Variants in PPP1R9A observed in about 807,000 individuals in gnomAD.
The protein encoded by PPP1R9A is protein phosphatase 1 regulatory subunit 9A, also known as neurabin-1.
In PPP1R9A, 59 loss-of-function variants were observed where a neutral mutation model predicts 141.9. That is an observed-to-expected ratio of 0.42 (90% CI 0.34 to 0.52). PPP1R9A has a LOEUF of 0.52. PPP1R9A is among the 20% of genes least tolerant of loss of function. The probability of loss-of-function intolerance (pLI) is 0.10; values close to 1 mark genes in which losing one functional copy is unlikely to be tolerated. For missense variants in PPP1R9A, 1,444 were observed against 1,611.9 expected (o/e 0.90, Z 1.78); for synonymous variants, 500 against 569.7 (o/e 0.88, Z 1.74).
chr7:95,243,951 A>G (rs1341861822), intron 8 of PPP1R9A, among the ~76,000 whole-genome samples: 3 of 152,172 alleles, frequency 2.0e-5, no homozygotes, highest in South Asian at 2.1e-4. Context: ...ACACAGGTCC[A>G]TACTATATAA....
At chr7:95,072,618 TA>T (rs1300757168) in intron 2 of PPP1R9A, among the ~76,000 whole-genome samples, 2 of 129,934 alleles carry the variant, frequency 1.5e-5, no homozygotes, top group Non-Finnish European at 3.1e-5. Context: ...TTAAAAAATG[TA>T]AAATTTTGAA....
intron 8 of PPP1R9A, among the ~76,000 whole-genome samples, chr7:95,245,302 A>G (rs538074336): frequency 2.4e-4 from 37 of 152,318 alleles, no homozygotes; most frequent in African/African-American, 7.7e-4. Context: ...AGCATCCTGC[A>G]CATAGCAACT....
chr7:95,208,064 C>T (rs1791222741), intron 7 of PPP1R9A, among the ~76,000 whole-genome samples: 1 of 152,006 alleles, frequency 6.6e-6, no homozygotes. Context: ...TAAGCTATTG[C>T]TAAAATATAC....
intron 4 of PPP1R9A, among the ~76,000 whole-genome samples, chr7:95,158,189 T>C (rs1027165332): frequency 1.3e-5 from 2 of 152,154 alleles, no homozygotes; most frequent in Non-Finnish European, 2.9e-5. Context: ...ACTTGACATA[T>C]ATTGCACTAC....
At chr7:95,120,184 T>C (rs1022349180) in intron 3 of PPP1R9A, among the ~76,000 whole-genome samples, 5 of 152,074 alleles carry the variant, frequency 3.3e-5, no homozygotes, top group African/African-American at 1.2e-4. Context: ...CTTGAACTCC[T>C]GGCCTCAAGC....
chr7:95,042,690 A>G (rs892941472), intron 2 of PPP1R9A, among the ~76,000 whole-genome samples: 2 of 152,160 alleles, frequency 1.3e-5, no homozygotes, highest in African/African-American at 2.4e-5. Context: ...GTTGATCTAA[A>G]GTAAAACTTC....
chr7:95,108,898 A>G (rs904561988), intron 2 of PPP1R9A: 1 of 152,208 alleles, frequency 6.6e-6, no homozygotes, highest in African/African-American at 2.4e-5. Flanking sequence ...ATGTTCCAGA[A>G]TGAATACTGT....
intron 2 of PPP1R9A, among the ~76,000 whole-genome samples, chr7:94,977,862 A>G (rs968466616): frequency 6.6e-6 from 1 of 151,042 alleles, no homozygotes; most frequent in African/African-American, 2.4e-5. Flanking sequence ...TCCCAGGTTC[A>G]AGCGATTCTT....
intron 2 of PPP1R9A, 90 bp downstream of exon 2, chr7:94,911,598 G>A: frequency 1.0e-6 from 1 of 985,348 alleles, no homozygotes; most frequent in Non-Finnish European, 1.5e-6. Context: ...ACTAGTAGGA[G>A]TTTTTGTAAG....
intron 2 of PPP1R9A, among the ~76,000 whole-genome samples, chr7:94,948,970 A>G (rs985281141): frequency 2.6e-5 from 4 of 152,186 alleles, no homozygotes; most frequent in African/African-American, 9.6e-5. Context: ...TTTGGCCTTA[A>G]CATTCTGGTC....
intron 4 of PPP1R9A, among the ~76,000 whole-genome samples, chr7:95,131,748 G>A (rs748499395): frequency 3.3e-5 from 5 of 151,890 alleles, no homozygotes; most frequent in Non-Finnish European, 7.4e-5. Flanking sequence ...AGTTTGATAG[G>A]ACTAGTGTTG....
chr7:94,992,008 A>C (rs953489043), intron 2 of PPP1R9A, among the ~76,000 whole-genome samples: 1 of 152,244 alleles, frequency 6.6e-6, no homozygotes, highest in Non-Finnish European at 1.5e-5. Flanking sequence ...ATTGAGGTAT[A>C]GTTGACATCC....
At chr7:95,188,611 T>G (rs1258720789) in intron 5 of PPP1R9A, among the ~76,000 whole-genome samples, 8 of 151,218 alleles carry the variant, frequency 5.3e-5, no homozygotes, top group East Asian at 1.9e-4. Context: ...TTTTTTTTTT[T>G]TTTTTGAGAC....
intron 4 of PPP1R9A, among the ~76,000 whole-genome samples, chr7:95,152,809 T>G (rs181757222): frequency 2.6e-5 from 4 of 151,332 alleles, no homozygotes. Flanking sequence ...TTTAGGTGAC[T>G]AGGAAATATC....
intron 14 of PPP1R9A, among the ~76,000 whole-genome samples, chr7:95,271,939 A>G (rs1341982621): frequency 1.3e-5 from 2 of 152,186 alleles, no homozygotes; most frequent in Non-Finnish European, 2.9e-5. Flanking sequence ...GATTTAATCG[A>G]TTTTAAATGG....
At chr7:95,075,815 C>T (rs368965518) in intron 2 of PPP1R9A, among the ~76,000 whole-genome samples, 11 of 151,420 alleles carry the variant, frequency 7.3e-5, no homozygotes, top group South Asian at 4.2e-4. Flanking sequence ...CCAGCCTGGG[C>T]GACAGAGCGA....
At chr7:95,098,110 T>G (rs912699109) in intron 2 of PPP1R9A, 1 of 152,224 alleles carries the variant, frequency 6.6e-6, no homozygotes, top group African/African-American at 2.4e-5. Flanking sequence ...TAAAGTCAAC[T>G]GATTTTGAAC....
At chr7:94,992,021 T>G (rs1049573927) in intron 2 of PPP1R9A, among the ~76,000 whole-genome samples, 2 of 152,236 alleles carry the variant, frequency 1.3e-5, no homozygotes, top group African/African-American at 4.8e-5. Flanking sequence ...TGACATCCAA[T>G]GTACTGCACG....
At chr7:95,014,261 A>G (rs959842619) in intron 2 of PPP1R9A, among the ~76,000 whole-genome samples, 2 of 152,080 alleles carry the variant, frequency 1.3e-5, no homozygotes, top group Non-Finnish European at 2.9e-5. Context: ...CATTAATTAC[A>G]TTTAGACATC....
Sources: gnomAD v4.1 joint callset for allele counts (sites outside exome capture counted in the v4.1 genomes callset) on GRCh38, gnomAD v4.1.1 for gene constraint, MANE v1.5 for transcripts, NCBI Gene and HGNC (gene_info 2026-07-23, HGNC 2026-07-21) for gene names.